Variants in PRKAR2B observed in about 807,000 individuals in gnomAD.
PRKAR2B encodes protein kinase cAMP-dependent type II regulatory subunit beta.
Under a neutral mutation model 49.9 loss-of-function variants are expected in PRKAR2B, and 14 were observed. The observed-to-expected ratio is 0.28, with a 90% CI of 0.19 to 0.44. The LOEUF (loss-of-function observed/expected upper bound fraction) is 0.44, where lower values mean the gene tolerates loss of function less well. PRKAR2B is among the 20% of genes least tolerant of loss of function. The pLI is 1.00. For synonymous variants in PRKAR2B, 196 were observed against 197.7 expected (o/e 0.99, Z 0.07); for missense variants, 393 against 537.9 (o/e 0.73, Z 2.67).
intron 1 of PRKAR2B, among the ~76,000 whole-genome samples, chr7:107,066,301 G>GGGGGGGGGT (rs147673007): frequency 5.5e-4 from 80 of 145,588 alleles, no homozygotes; most frequent in African/African-American, 1.8e-3. Flanking sequence ...CTCTATGTGG[G>GGGGGGGGGT]GTGTGTGTGT....
chr7:107,067,242 GTAAT>G (rs1794169743), intron 1 of PRKAR2B: 1 of 152,134 alleles, frequency 6.6e-6, no homozygotes, highest in African/African-American at 2.4e-5. Flanking sequence ...CTCTATTTTG[GTAAT>G]TAGACTAAAA....
At chr7:107,144,204 A>G (rs1053943685) in intron 5 of PRKAR2B, among the ~76,000 whole-genome samples, 11 of 149,912 alleles carry the variant, frequency 7.3e-5, no homozygotes, top group African/African-American at 2.5e-4. Context: ...TTCTTCCTCA[A>G]CCTCCCGAGT....
At chr7:107,096,773 T>C (rs1013736871) in intron 2 of PRKAR2B, among the ~76,000 whole-genome samples, 9 of 152,342 alleles carry the variant, frequency 5.9e-5, no homozygotes, top group Non-Finnish European at 1.5e-5. Flanking sequence ...GTGTACCCAG[T>C]AGTCATTCAG....
intron 2 of PRKAR2B, among the ~76,000 whole-genome samples, chr7:107,098,343 A>G (rs962402691): frequency 3.9e-5 from 6 of 152,168 alleles, no homozygotes; most frequent in African/African-American, 1.4e-4. Flanking sequence ...TTCTTGTGCC[A>G]TGGTTTTCAG....
intron 2 of PRKAR2B, among the ~76,000 whole-genome samples, chr7:107,075,944 G>A (rs1459240882): frequency 6.6e-6 from 1 of 152,118 alleles, no homozygotes; most frequent in African/African-American, 2.4e-5. Flanking sequence ...CTGAATTGGG[G>A]AGGGGCTAGA....
intron 2 of PRKAR2B, among the ~76,000 whole-genome samples, chr7:107,102,431 A>G (rs568245084): frequency 1.3e-5 from 2 of 152,028 alleles, no homozygotes; most frequent in Admixed American, 6.6e-5. Flanking sequence ...GCTTTGGGCC[A>G]CTCTGCCTGT....
chr7:107,144,635 G>T lies in PRKAR2B; in HGVS notation c.588-1673G>T, dbSNP rs910059782. On this transcript the variant is annotated intron_variant, in intron 5 of 10. Transcript: ENST00000265717. ...GCCACCATACTTGACTAATTTTTTG[G>T]TTTTTTGTAGAGACAGAGTCTTGCT... is the stretch of plus-strand genomic sequence containing the variant. Among the ~76,000 whole-genome samples, 7 of 150,158 alleles carry T rather than the reference G, an allele frequency of 4.7e-5. No individual in the cohort carries two copies. The South Asian group carries it at 8.5e-4, about 18-fold the overall frequency.
At chr7:107,092,065 T>G (rs2116801168) in intron 2 of PRKAR2B, among the ~76,000 whole-genome samples, 1 of 152,220 alleles carries the variant, frequency 6.6e-6, no homozygotes, top group South Asian at 2.1e-4. Context: ...CCATGTAAGT[T>G]AATATGATGT....
chr7:107,086,874 C>A (rs1794630423), intron 2 of PRKAR2B, among the ~76,000 whole-genome samples: 1 of 152,134 alleles, frequency 6.6e-6, no homozygotes, highest in African/African-American at 2.4e-5. Flanking sequence ...CTGGAATGAA[C>A]TCTGCTTGGT....
chr7:107,123,780 C>G (rs1457474410), intron 3 of PRKAR2B, among the ~76,000 whole-genome samples: 1 of 152,176 alleles, frequency 6.6e-6, no homozygotes, highest in African/African-American at 2.4e-5. Flanking sequence ...ACCCTAAGAT[C>G]TGTCCCCTGT....
At chr7:107,082,692 C>T (rs1289884269) in intron 2 of PRKAR2B, among the ~76,000 whole-genome samples, 2 of 152,094 alleles carry the variant, frequency 1.3e-5, no homozygotes, top group African/African-American at 2.4e-5. Flanking sequence ...CTCCCAGGCT[C>T]GAGTGATCCT....
intron 2 of PRKAR2B, among the ~76,000 whole-genome samples, 191 bp downstream of exon 2, chr7:107,070,507 C>T (rs543855696): frequency 6.6e-6 from 1 of 152,272 alleles, no homozygotes; most frequent in Admixed American, 6.5e-5. Flanking sequence ...ACCTAGGAAG[C>T]AATTTCAAAT....
chr7:107,150,627 C>T (rs1449398920), intron 6 of PRKAR2B, among the ~76,000 whole-genome samples: 1 of 150,898 alleles, frequency 6.6e-6, no homozygotes, highest in Non-Finnish European at 1.5e-5. Context: ...GTGACAGCGC[C>T]TCCTTGTGGG....
chr7:107,092,950 T>A (rs1477435026), intron 2 of PRKAR2B, among the ~76,000 whole-genome samples: 3 of 152,250 alleles, frequency 2.0e-5, no homozygotes, highest in Non-Finnish European at 4.4e-5. Flanking sequence ...TCTAGGTACC[T>A]CATAGATGAG....
chr7:107,107,389 G>C (rs1292843167), intron 2 of PRKAR2B, among the ~76,000 whole-genome samples: 1 of 151,608 alleles, frequency 6.6e-6, no homozygotes, highest in Non-Finnish European at 1.5e-5. Context: ...AATTTGTATT[G>C]GACCCAAGTG....
intron 2 of PRKAR2B, among the ~76,000 whole-genome samples, chr7:107,087,225 T>C (rs983557968): frequency 5.3e-5 from 8 of 151,828 alleles, no homozygotes; most frequent in Admixed American, 4.6e-4. Context: ...GTTTTTTTTT[T>C]CCTAAAAGCA....
chr7:107,107,909 G>A (rs1411886425), intron 2 of PRKAR2B, among the ~76,000 whole-genome samples: 2 of 151,694 alleles, frequency 1.3e-5, no homozygotes, highest in Non-Finnish European at 2.9e-5. Context: ...GCCTGCCTTG[G>A]CCTCCCAAAG....
chr7:107,099,825 G>A (rs765127693), intron 2 of PRKAR2B, among the ~76,000 whole-genome samples: 6 of 151,808 alleles, frequency 4.0e-5, no homozygotes, highest in African/African-American at 7.3e-5. Flanking sequence ...TAGTAGAGAC[G>A]GGGTTTCACC....
chr7:107,088,199 G>A (rs1004222098), intron 2 of PRKAR2B, among the ~76,000 whole-genome samples: 4 of 152,176 alleles, frequency 2.6e-5, no homozygotes, highest in African/African-American at 4.8e-5. Context: ...TGAGCCACTC[G>A]TTGGAGGTGG....
Sources: allele counts gnomAD v4.1 joint callset (sites outside exome capture counted in the v4.1 genomes callset), GRCh38; gene constraint gnomAD v4.1.1; transcripts MANE v1.5; gene names NCBI Gene and HGNC (gene_info 2026-07-23, HGNC 2026-07-21).